Variants in SLC5A3 observed in about 807,000 individuals in gnomAD.
SLC5A3 encodes sodium/myo-inositol cotransporter.
A neutral mutation model predicts 43.2 loss-of-function variants in SLC5A3; 10 were observed. The ratio of observed to expected loss-of-function variants is 0.23; its 90% confidence interval spans 0.14 to 0.39. SLC5A3 has a LOEUF of 0.39. Among genes scored for constraint, SLC5A3 ranks in the 10% least tolerant of loss-of-function variants. The pLI, the probability that SLC5A3 is intolerant of heterozygous loss-of-function variation, is 1.00. For missense variants in SLC5A3, 608 were observed against 893.4 expected (o/e 0.68, Z 4.07); for synonymous variants, 349 against 322.0 (o/e 1.08, Z -0.90).
Position 34,102,267 on chromosome 21 carries a change from G to A in SLC5A3, c.*4912G>A. The A allele has an allele frequency of 1.0e-6, 1 of 999,788 alleles. No homozygotes were observed. Among genetic ancestry groups the A allele is most frequent in the Non-Finnish European group, 1.2e-6 (1 of 829,738 alleles). The allele number at this position is 999,788 out of a possible 1,614,324, so 61.9% of individuals were successfully genotyped here. A position where few individuals can be genotyped will look rare whatever the true frequency, so the allele number is the denominator to read the frequency against. On this transcript the variant is annotated 3_prime_UTR_variant, in exon 2 of 2. Coordinates refer to ENST00000381151, the MANE Select transcript of SLC5A3 (RefSeq NM_006933.7). ...TGAGTCCCACACCATTATTCACTTA[G>A]TAGTCATATAAATGTTTTTATTTAA...
Position 34,101,501 on chromosome 21 carries a change from A to G in SLC5A3, c.*4146A>G. ...TAATAGCCTGAGCAGACTTCTTTACAAATGGGATCTGTTTCTATATGTGTA... is the reference window on the plus strand; with the variant it reads ...TAATAGCCTGAGCAGACTTCTTTACGAATGGGATCTGTTTCTATATGTGTA... On this transcript the variant is annotated 3_prime_UTR_variant, in exon 2 of 2. Coordinates refer to ENST00000381151, the MANE Select transcript of SLC5A3 (RefSeq NM_006933.7). 1 of 1,000,176 alleles carries G rather than the reference A, an allele frequency of 1.0e-6. No individual in the cohort carries two copies. Among genetic ancestry groups the G allele is most frequent in the Non-Finnish European group, 1.2e-6 (1 of 829,930 alleles). The allele number at this position is 1,000,176 out of a possible 1,614,324, so 62.0% of individuals were successfully genotyped here.
At chr21:34,077,568 C>T (rs1353540291) in intron 1 of SLC5A3, among the ~76,000 whole-genome samples, 1 of 152,014 alleles carries the variant, frequency 6.6e-6, no homozygotes, top group Non-Finnish European at 1.5e-5. Flanking sequence ...AATAAGATAG[C>T]ATTTATATAT....
rs1028180465 is a variant in SLC5A3 at position 34,101,735 on chromosome 21, C to G, written c.*4380C>G. 1.5e-5 allele frequency: 15 copies of G among 991,628 alleles called. No homozygotes were observed. Among genetic ancestry groups the G allele is most frequent in the Non-Finnish European group, 1.8e-5 (15 of 822,280 alleles). The allele number at this position is 991,628 out of a possible 1,614,324, so 61.4% of individuals were successfully genotyped here. On this transcript the variant is annotated 3_prime_UTR_variant, in exon 2 of 2. Coordinates refer to ENST00000381151, the MANE Select transcript of SLC5A3 (RefSeq NM_006933.7). ...GGACTTTTAGATCCAAATAATGACTCATTAAATATAATTATGTTTTAAGTA... is the reference window on the plus strand; with the variant it reads ...GGACTTTTAGATCCAAATAATGACTGATTAAATATAATTATGTTTTAAGTA...
intron 1 of SLC5A3, among the ~76,000 whole-genome samples, chr21:34,094,078 G>A (rs577097093): frequency 1.3e-5 from 2 of 152,306 alleles, no homozygotes; most frequent in African/African-American, 4.8e-5. Flanking sequence ...AATACTGCCT[G>A]ATGAAAAGGA....
Position 34,105,615 on chromosome 21 carries a change from C to G in SLC5A3, c.*8260C>G. On this transcript the variant is annotated 3_prime_UTR_variant, in exon 2 of 2. Coordinates refer to ENST00000381151, the MANE Select transcript of SLC5A3 (RefSeq NM_006933.7). Reference sequence around the variant, plus strand: ...GTACACTGGGGGTGTATATTGTGTACATGTGTCATTTTAGTTAGGCATTGT... The same window carrying G: ...GTACACTGGGGGTGTATATTGTGTAGATGTGTCATTTTAGTTAGGCATTGT... 2.0e-6 allele frequency: 2 copies of G among 999,940 alleles called. No homozygotes were observed. Among genetic ancestry groups the G allele is most frequent in the Non-Finnish European group, 2.4e-6 (2 of 829,798 alleles). 61.9% of individuals were successfully genotyped at this position (999,940 alleles called of 1,614,324 possible).
At position 34,100,696 on chromosome 21, in the gene SLC5A3, T is replaced by C; in HGVS notation, c.*3341T>C. 1 of 1,000,242 alleles carries C rather than the reference T, an allele frequency of 1.0e-6. No individual in the cohort carries two copies. Among genetic ancestry groups the C allele is most frequent in the South Asian group, 4.7e-5 (1 of 21,278 alleles). The allele number at this position is 1,000,242 out of a possible 1,614,324, so 62.0% of individuals were successfully genotyped here. A position where few individuals can be genotyped will look rare whatever the true frequency, so the allele number is the denominator to read the frequency against. On this transcript the variant is annotated 3_prime_UTR_variant, in exon 2 of 2. Coordinates refer to ENST00000381151, the MANE Select transcript of SLC5A3 (RefSeq NM_006933.7). ...GGGGGTTGTTATGCACTTCTGTAAC[T>C]TGAGGCTAAGCAAGGGGTTAACTCT...
chr21:34,088,943 A>G (rs1219587404), intron 1 of SLC5A3, among the ~76,000 whole-genome samples: 1 of 150,626 alleles, frequency 6.6e-6, no homozygotes, highest in Admixed American at 6.6e-5. Flanking sequence ...ACAAGCAGAT[A>G]GTGTTGAGCC....
In SLC5A3 at chr21:34,102,179, T is replaced by G. The variant is rs1360648857; in HGVS notation, c.*4824T>G. The G allele has an allele frequency of 1.0e-6, 1 of 999,980 alleles. No individual in the cohort carries two copies. Among genetic ancestry groups the G allele is most frequent in the Admixed American group, 6.2e-5 (1 of 16,258 alleles). 61.9% of individuals were successfully genotyped at this position (999,980 alleles called of 1,614,324 possible). A position where few individuals can be genotyped will look rare whatever the true frequency, so the allele number is the denominator to read the frequency against. On this transcript the variant is annotated 3_prime_UTR_variant, in exon 2 of 2. Coordinates refer to ENST00000381151, the MANE Select transcript of SLC5A3 (RefSeq NM_006933.7). ...TGTTGGAATACTTTAGCTGTTCAGC[T>G]ACTTTGACTCCTAGGAGAGAATTTA... is the stretch of plus-strand genomic sequence containing the variant.
Position 34,097,285 on chromosome 21 carries a change from T to C in SLC5A3, c.2087T>C (p.Val696Ala). 1 of 1,612,688 alleles carries C rather than the reference T, an allele frequency of 6.2e-7. No homozygotes were observed. Among genetic ancestry groups the C allele is most frequent in the Non-Finnish European group, 8.5e-7 (1 of 1,179,542 alleles). Reference protein sequence around the residue: ...QMLEETRQVKVILNIGLFAVC... With the variant: ...QMLEETRQVKAILNIGLFAVC... ...CTAGAAGAGACTCGGCAAGTTAAAG[T>C]AATACTAAATATTGGACTTTTTGCT... is the stretch of plus-strand genomic sequence containing the variant. Residue 696 changes from valine to alanine, a missense_variant, in exon 2 of 2, where the codon GTA becomes GCA. Val to Ala is a moderately conservative substitution (Grantham distance 64). Coordinates refer to ENST00000381151, the MANE Select transcript of SLC5A3 (RefSeq NM_006933.7).
Position 34,101,813 on chromosome 21 carries a change from A to G in SLC5A3, c.*4458A>G. 1.0e-6 allele frequency: 1 copy of G among 998,752 alleles called. No individual in the cohort carries two copies. Among genetic ancestry groups the G allele is most frequent in the Non-Finnish European group, 1.2e-6 (1 of 828,750 alleles). The allele number at this position is 998,752 out of a possible 1,614,324, so 61.9% of individuals were successfully genotyped here. On this transcript the variant is annotated 3_prime_UTR_variant, in exon 2 of 2. Transcript: ENST00000381151. ...TAATTCTCAGGAATGATTTTCTCAC[A>G]CTTTGTGTTGGCTAATAATAAAAGC... is the stretch of plus-strand genomic sequence containing the variant.
At position 34,096,416 on chromosome 21, in the gene SLC5A3, G is replaced by A. The variant is rs762719099; in HGVS notation, c.1218G>A (p.Glu406=). Reference sequence around the variant, plus strand: ...TCCGCAAGAGCGCAAGCTCCCGGGAGTTAATGATTGTGGGGAGGATATTTG... The same window carrying A: ...TCCGCAAGAGCGCAAGCTCCCGGGAATTAATGATTGTGGGGAGGATATTTG... ...KLIRKSASSR[E]LMIVGRIFVA... is the part of the protein sequence containing the mutation. The change falls in exon 2 of 2, where the codon GAG becomes GAA. Residue 406 remains glutamate (E), a synonymous_variant. Coordinates refer to ENST00000381151, the MANE Select transcript of SLC5A3 (RefSeq NM_006933.7). This position sits in a 1 kb window ranked among gnomAD's most constrained non-coding sequence, Gnocchi z 5.9. 5.0e-6 allele frequency: 8 copies of A among 1,614,108 alleles called. No homozygotes were observed. The highest frequency in any genetic ancestry group is 3.3e-5 in the Admixed American group (2 of 60,010).
chr21:34,084,581 TAC>T (rs1015794620), intron 1 of SLC5A3, among the ~76,000 whole-genome samples: 2 of 152,142 alleles, frequency 1.3e-5, no homozygotes, highest in Admixed American at 1.3e-4. Flanking sequence ...CTACATATTA[TAC>T]ACACACACAT....
chr21:34,096,990 C>T lies in SLC5A3; in HGVS notation c.1792C>T (p.Leu598Phe), dbSNP rs543619564. 1.2e-4 allele frequency: 186 copies of T among 1,614,132 alleles called. No homozygotes were observed. Among genetic ancestry groups the T allele is most frequent in the Admixed American group, 8.5e-4 (51 of 60,024 alleles). Residue 598 changes from leucine to phenylalanine, a missense_variant, in exon 2 of 2, where the codon CTT becomes TTT. By Grantham distance (22) the Leu-to-Phe change is conservative (BLOSUM62 0). Around this residue, in one of 2 missense-constraint regions of SLC5A3, gnomAD observed 210 missense variants for 224.8 expected, o/e 0.93. Coordinates refer to ENST00000381151, the MANE Select transcript of SLC5A3 (RefSeq NM_006933.7). The surrounding 1 kb of genome is among the most constrained non-coding windows in gnomAD (Gnocchi z 5.9). The stretch of plus-strand genomic sequence containing the variant: ...GAAATCTGAAGACAGCATTAAGGGC[C>T]TTCAGCCTGAAGATGTTAATCTGTT... ...NGKSEDSIKG[L>F]QPEDVNLLVT...
At chr21:34,079,709 A>G (rs531222287) in intron 1 of SLC5A3, among the ~76,000 whole-genome samples, 1 of 148,026 alleles carries the variant, frequency 6.8e-6, no homozygotes, top group African/African-American at 2.5e-5. Flanking sequence ...TTGGTCTCCC[A>G]AAGTGCTGGG....
chr21:34,087,452 A>G (rs980147014), intron 1 of SLC5A3, among the ~76,000 whole-genome samples: 1 of 152,262 alleles, frequency 6.6e-6, no homozygotes, highest in African/African-American at 2.4e-5. Flanking sequence ...AGGACACATC[A>G]GGGAACAACA....
chr21:34,087,482 G>A lies in SLC5A3; in HGVS notation c.-336-7381G>A, dbSNP rs543060424. On this transcript the variant is annotated intron_variant, in intron 1 of 1. Transcript: ENST00000381151. ...ACAACACAGAAAATTCTACCCTCAT[G>A]GAGTTTACATACATGGTAGTGAGGA... 1.4e-4 allele frequency among the ~76,000 whole-genome samples: 21 copies of A among 152,302 alleles called. No individual in the cohort carries two copies. The East Asian group carries it at 4.0e-3, about 29-fold the overall frequency.
Position 34,104,912 on chromosome 21 carries a change from T to C in SLC5A3, c.*7557T>C. The C allele has an allele frequency of 2.0e-6, 2 of 1,000,182 alleles. No homozygotes were observed. The highest frequency in any genetic ancestry group is 2.4e-6 in the Non-Finnish European group (2 of 829,870). 62.0% of individuals were successfully genotyped at this position (1,000,182 alleles called of 1,614,324 possible). A position where few individuals can be genotyped will look rare whatever the true frequency, so the allele number is the denominator to read the frequency against. On this transcript the variant is annotated 3_prime_UTR_variant, in exon 2 of 2. Coordinates refer to ENST00000381151, the MANE Select transcript of SLC5A3 (RefSeq NM_006933.7). ...TTCTTTGGCAGAAATGCCTTTCATC[T>C]ATAATTTCATGGAGAACTGCTTTAA...
At chr21:34,090,766 G>C (rs746550010) in intron 1 of SLC5A3, among the ~76,000 whole-genome samples, 3 of 152,204 alleles carry the variant, frequency 2.0e-5, no homozygotes, top group Non-Finnish European at 4.4e-5. Context: ...AAGCCAGACA[G>C]TTGAGACTTG....
Position 34,096,932 on chromosome 21 carries a change from T to C in SLC5A3, c.1734T>C (p.Asn578=), listed in dbSNP as rs1978990748. 1 of 1,614,124 alleles carries C rather than the reference T, an allele frequency of 6.2e-7. No homozygotes were observed. The change falls in exon 2 of 2, where the codon AAT becomes AAC. Residue 578 remains asparagine, a synonymous_variant. Coordinates refer to ENST00000381151, the MANE Select transcript of SLC5A3 (RefSeq NM_006933.7). This position sits in a 1 kb window ranked among gnomAD's most constrained non-coding sequence, Gnocchi z 5.9. ...QEKSILRCSE[N]NETINHIIPN... ...AGAGCATTCTGAGATGCAGTGAGAA[T>C]AATGAGACCATCAACCACATCATTC... is the stretch of plus-strand genomic sequence containing the variant.
Sources: allele counts gnomAD v4.1 joint callset (sites outside exome capture counted in the v4.1 genomes callset), GRCh38; gene constraint gnomAD v4.1.1; regional missense constraint gnomAD v4.1.1; non-coding constraint Gnocchi (gnomAD v3.1); transcripts MANE v1.5; gene names NCBI Gene and HGNC (gene_info 2026-07-23, HGNC 2026-07-21).